Variants in NCKAP5 observed in about 807,000 individuals in gnomAD.
The protein encoded by NCKAP5 is NCK associated protein 5, also known as nck-associated protein 5.
A neutral mutation model predicts 167.0 loss-of-function variants in NCKAP5; 92 were observed. That is an observed-to-expected ratio of 0.55 (90% CI 0.47 to 0.66). NCKAP5 has a LOEUF of 0.66. Ranked by LOEUF, NCKAP5 falls within the 30% of genes least tolerant of loss-of-function variation. The probability of loss-of-function intolerance (pLI) is 0.00; values close to 1 mark genes in which losing one functional copy is unlikely to be tolerated. For missense variants in NCKAP5, 2,378 were observed against 2,315.0 expected (o/e 1.03, Z -0.56); for synonymous variants, 891 against 877.4 (o/e 1.02, Z -0.27).
At chr2:133,331,617 G>A (rs1682859442) in intron 3 of NCKAP5, among the ~76,000 whole-genome samples, 1 of 152,154 alleles carries the variant, frequency 6.6e-6, no homozygotes, top group African/African-American at 2.4e-5. Context: ...GATGACTTGG[G>A]TACTACTTTT....
intron 6 of NCKAP5, among the ~76,000 whole-genome samples, chr2:133,018,725 C>T (rs749203411): frequency 9.9e-5 from 15 of 152,164 alleles, no homozygotes; most frequent in Non-Finnish European, 1.0e-4. Flanking sequence ...GAAATACAGG[C>T]CACTAAGGCT....
At chr2:132,789,159 GAGA>G in intron 13 of NCKAP5, among the ~76,000 whole-genome samples, 1 of 152,234 alleles carries the variant, frequency 6.6e-6, no homozygotes, top group Admixed American at 6.5e-5. Flanking sequence ...AAAAGCCTTT[GAGA>G]AGGAGAGAGA....
chr2:133,180,159 C>T (rs1028978464), intron 5 of NCKAP5, among the ~76,000 whole-genome samples: 1 of 151,744 alleles, frequency 6.6e-6, no homozygotes, highest in Non-Finnish European at 1.5e-5. Flanking sequence ...AAGTGGCACA[C>T]CATTTTTCAA....
At chr2:133,588,342 T>C in the NCKAP5 span, among the ~76,000 whole-genome samples, 1 of 113,028 alleles carries the variant, frequency 8.8e-6, no homozygotes, top group African/African-American at 3.4e-5. Context: ...TCCCTCCTTC[T>C]TCCCTTCCTT....
chr2:133,412,189 G>C (rs1347665997), intron 3 of NCKAP5, among the ~76,000 whole-genome samples: 1 of 152,144 alleles, frequency 6.6e-6, no homozygotes, highest in Non-Finnish European at 1.5e-5. Flanking sequence ...GAGCCCTCAT[G>C]AATGGGTTTA....
intron 3 of NCKAP5, among the ~76,000 whole-genome samples, chr2:133,468,385 A>G (rs1401943289): frequency 6.7e-6 from 1 of 149,728 alleles, no homozygotes; most frequent in African/African-American, 2.5e-5. Flanking sequence ...ACAGTTTGTT[A>G]TAATTTCTGT....
chr2:133,298,986 C>A (rs1412572430), intron 4 of NCKAP5, among the ~76,000 whole-genome samples: 2 of 151,748 alleles, frequency 1.3e-5, no homozygotes, highest in African/African-American at 2.4e-5. Flanking sequence ...TAGTAACAAA[C>A]CTGCACGTTG....
At chr2:133,001,458 C>A (rs1450046286) in intron 6 of NCKAP5, among the ~76,000 whole-genome samples, 1 of 152,068 alleles carries the variant, frequency 6.6e-6, no homozygotes, top group Non-Finnish European at 1.5e-5. Flanking sequence ...GAGCTTCATG[C>A]CTCAGCCTCC....
chr2:133,031,316 T>C (rs1319517331), intron 6 of NCKAP5, among the ~76,000 whole-genome samples: 2 of 151,814 alleles, frequency 1.3e-5, no homozygotes, highest in Non-Finnish European at 2.9e-5. Context: ...ACAGTGATTG[T>C]GAAGCATCAA....
At chr2:133,652,625 A>C in the NCKAP5 span, among the ~76,000 whole-genome samples, 1 of 152,222 alleles carries the variant, frequency 6.6e-6, no homozygotes, top group African/African-American at 2.4e-5. Context: ...TATAGCTGTC[A>C]AGCTGTTCTG....
At chr2:133,191,956 GGATTATTCTAAAATATATAT>G (rs2085245574) in intron 5 of NCKAP5, among the ~76,000 whole-genome samples, 1 of 151,828 alleles carries the variant, frequency 6.6e-6, no homozygotes, top group Non-Finnish European at 1.5e-5. Context: ...AATATATGCA[GGATTATTCTAAAATATATAT>G]GGAAAGGCAA....
chr2:132,800,345 T>C lies in NCKAP5; in HGVS notation c.808-3616A>G, dbSNP rs138165853. 9.2e-5 allele frequency among the ~76,000 whole-genome samples: 14 copies of C among 152,338 alleles called. No homozygotes were observed. In the East Asian group the frequency reaches 2.7e-3, roughly 29 times the overall value. On this transcript the variant is annotated intron_variant, in intron 11 of 19. Coordinates refer to ENST00000409261, the MANE Select transcript of NCKAP5 (RefSeq NM_207363.3). ...TCTTTAACCTGCAAATCCCAATGAA[T>C]TCTGGAGTTAGACATACTTGTTTTA...
At chr2:133,622,409 C>G in the NCKAP5 span, among the ~76,000 whole-genome samples, 1 of 152,102 alleles carries the variant, frequency 6.6e-6, no homozygotes. Flanking sequence ...CAAAAAGCTT[C>G]CAGAACTAGT....
chr2:132,781,407 T>C (rs1683019956), intron 14 of NCKAP5, among the ~76,000 whole-genome samples, 178 bp from the exon 15 acceptor site: 1 of 152,248 alleles, frequency 6.6e-6, no homozygotes. Flanking sequence ...TAGTAGCATG[T>C]CAATTTAGAT....
intron 4 of NCKAP5, among the ~76,000 whole-genome samples, chr2:133,237,128 T>A (rs1003241132): frequency 6.6e-6 from 1 of 152,116 alleles, no homozygotes; most frequent in Non-Finnish European, 1.5e-5. Flanking sequence ...ATTGGCTGAA[T>A]CTAGAAAATT....
chr2:133,467,545 C>T (rs1327364442), intron 3 of NCKAP5, among the ~76,000 whole-genome samples: 3 of 150,074 alleles, frequency 2.0e-5, no homozygotes, highest in Non-Finnish European at 4.5e-5. Flanking sequence ...AGGGAGGATT[C>T]CCTCTTTTTC....
intron 3 of NCKAP5, among the ~76,000 whole-genome samples, chr2:133,489,031 G>A (rs1681194781): frequency 6.6e-6 from 1 of 152,214 alleles, no homozygotes; most frequent in Admixed American, 6.5e-5. Flanking sequence ...TGAGGCTGCA[G>A]TGTGCCATGA....
intron 5 of NCKAP5, among the ~76,000 whole-genome samples, chr2:133,171,096 C>T (rs2084229741): frequency 6.6e-6 from 1 of 152,148 alleles, no homozygotes; most frequent in South Asian, 2.1e-4. Flanking sequence ...GAATTCTAGA[C>T]ATTTAAGCAG....
At chr2:133,563,904 C>T (rs1188163196) in intron 1 of NCKAP5, among the ~76,000 whole-genome samples, 1 of 152,118 alleles carries the variant, frequency 6.6e-6, no homozygotes, top group African/African-American at 2.4e-5. Flanking sequence ...GAGGCTGAGG[C>T]AGATGGATCA....
Sources: allele counts gnomAD v4.1 joint callset (sites outside exome capture counted in the v4.1 genomes callset), GRCh38; gene constraint gnomAD v4.1.1; transcripts MANE v1.5; gene names NCBI Gene and HGNC (gene_info 2026-07-23, HGNC 2026-07-21).